ZNF565: variants seen among roughly 807,000 people sequenced by gnomAD.
The protein encoded by ZNF565 is zinc finger protein 565.
In ZNF565, 27 loss-of-function variants were observed where a neutral mutation model predicts 39.4. That is an observed-to-expected ratio of 0.69 (90% CI 0.51 to 0.95). The LOEUF (loss-of-function observed/expected upper bound fraction) is 0.95, where lower values mean the gene tolerates loss of function less well. Among genes scored for constraint, ZNF565 ranks in the 40% least tolerant of loss-of-function variants. The pLI, the probability that ZNF565 is intolerant of heterozygous loss-of-function variation, is 0.00. For synonymous variants in ZNF565, 185 were observed against 216.6 expected (o/e 0.85, Z 1.28); for missense variants, 524 against 621.1 (o/e 0.84, Z 1.66).
At chr19:36,202,155 G>A in intron 1 of ZNF565, 105 bp from the exon 2 acceptor site, 1 of 677,730 alleles carries the variant, frequency 1.5e-6, no homozygotes, top group Non-Finnish European at 2.6e-6. Context: ...CCAATGTCTC[G>A]GATCTGCTTC....
intron 4 of ZNF565, among the ~76,000 whole-genome samples, chr19:36,188,711 CAA>C (rs537452721): frequency 5.3e-5 from 4 of 76,034 alleles, no homozygotes; most frequent in Non-Finnish European, 8.5e-5. Flanking sequence ...GACTCCGTCT[CAA>C]AAAAAAAAAA....
intron 1 of ZNF565, chr19:36,237,013 A>C: frequency 6.2e-7 from 1 of 1,614,202 alleles, no homozygotes; most frequent in Non-Finnish European, 8.5e-7. Flanking sequence ...AATGTGGAAA[A>C]GCCTTCTCTC....
intron 1 of ZNF565, among the ~76,000 whole-genome samples, chr19:36,242,263 A>G (rs1977813416): frequency 6.6e-6 from 1 of 151,790 alleles, no homozygotes; most frequent in African/African-American, 2.4e-5. Context: ...CATAAAAATT[A>G]GCCAGATGTG....
intron 1 of ZNF565, among the ~76,000 whole-genome samples, chr19:36,204,356 A>G (rs969900544): frequency 6.6e-5 from 10 of 152,250 alleles, no homozygotes; most frequent in African/African-American, 2.2e-4. Flanking sequence ...TAGGCAGAAA[A>G]GGGACAGAGA....
rs542599049 is a variant in ZNF565, at chr19:36,245,595, A to T, written c.-65T>A. On this transcript the variant is annotated 5_prime_UTR_variant, in exon 1 of 5. Transcript: ENST00000355114. This position sits in a 1 kb window ranked among gnomAD's most constrained non-coding sequence, Gnocchi z 4.4. ...CACCGCGGATCTAGGAGGAGGCTTG[A>T]GATGCAGCCTCCCAGCTTCGAGGCT... 3.2e-4 allele frequency: 225 copies of T among 701,642 alleles called. 3 individuals are homozygous for T. Among genetic ancestry groups the T allele is most frequent in the South Asian group, 2.4e-3 (160 of 67,544 alleles). 43.5% of individuals were successfully genotyped at this position (701,642 alleles called of 1,614,324 possible).
intron 1 of ZNF565, among the ~76,000 whole-genome samples, chr19:36,221,662 C>A (rs1976844305): frequency 6.6e-6 from 1 of 152,126 alleles, no homozygotes; most frequent in Non-Finnish European, 1.5e-5. Flanking sequence ...CAACAAAGAT[C>A]TATCTCACAG....
intron 1 of ZNF565, chr19:36,228,417 C>CCTGTGTAAGTTGTGA (rs1234794536): frequency 1.3e-5 from 2 of 152,222 alleles, no homozygotes; most frequent in African/African-American, 4.8e-5. Context: ...AAACAGCAAT[C>CCTGTGTAAGTTGTGA]ACTCACACAA....
chr19:36,232,954 T>C (rs1330633710), intron 1 of ZNF565, among the ~76,000 whole-genome samples: 2 of 152,226 alleles, frequency 1.3e-5, no homozygotes, highest in Non-Finnish European at 2.9e-5. Flanking sequence ...AAGAATCTCT[T>C]ATGTACCCCC....
At chr19:36,190,823 C>G (rs1975506721) in intron 4 of ZNF565, among the ~76,000 whole-genome samples, 1 of 151,686 alleles carries the variant, frequency 6.6e-6, no homozygotes, top group Non-Finnish European at 1.5e-5. Flanking sequence ...GAAATCCTGT[C>G]TCTACTAAAA....
rs2029888460 is a variant in ZNF565 at position 36,245,329 on chromosome 19, G to A, written c.55+147C>T. On this transcript the variant is annotated intron_variant, in intron 1 of 4. Transcript: ENST00000355114. This position sits in a 1 kb window ranked among gnomAD's most constrained non-coding sequence, Gnocchi z 4.4. The stretch of plus-strand genomic sequence containing the variant: ...TGACCCCAGCTCAGTTCTAAGCCGA[G>A]GGGCTGCTGCCGGACATTCTAGGGT... 4 of 647,324 alleles carry A rather than the reference G, an allele frequency of 6.2e-6. No homozygotes were observed. The highest frequency in any genetic ancestry group is 1.1e-5 in the Non-Finnish European group (4 of 358,602). The allele number at this position is 647,324 out of a possible 1,614,324, so 40.1% of individuals were successfully genotyped here.
intron 1 of ZNF565, chr19:36,228,560 C>A (rs1568433156): frequency 6.6e-6 from 1 of 152,148 alleles, no homozygotes; most frequent in Non-Finnish European, 1.5e-5. Context: ...TGGCCCTAGT[C>A]CCTTTGCCCA....
intron 1 of ZNF565, chr19:36,235,670 G>A (rs1977620531): frequency 6.6e-6 from 1 of 152,234 alleles, no homozygotes; most frequent in Admixed American, 6.5e-5. Context: ...AGAAGCCTGA[G>A]AAGATGATGC....
intron 2 of ZNF565, 127 bp downstream of exon 2, chr19:36,201,849 AT>A (rs2145343486): frequency 9.3e-7 from 1 of 1,071,522 alleles, no homozygotes; most frequent in East Asian, 2.4e-5. Flanking sequence ...CTTGGGCACC[AT>A]TACTCATCTC....
At chr19:36,212,549 G>A (rs772219514) in intron 1 of ZNF565, among the ~76,000 whole-genome samples, 14 of 151,872 alleles carry the variant, frequency 9.2e-5, no homozygotes, top group Non-Finnish European at 1.9e-4. Flanking sequence ...TTGAGCCTGC[G>A]AGGTGGAGGT....
intron 1 of ZNF565, among the ~76,000 whole-genome samples, chr19:36,229,880 T>A (rs1305411045): frequency 2.0e-5 from 3 of 152,148 alleles, no homozygotes; most frequent in Non-Finnish European, 4.4e-5. Flanking sequence ...CCATCACACC[T>A]GGCTAATTTT....
intron 4 of ZNF565, among the ~76,000 whole-genome samples, chr19:36,192,209 G>A (rs564972182): frequency 6.6e-5 from 10 of 151,616 alleles, no homozygotes; most frequent in Admixed American, 1.3e-4. Context: ...GGCTGGTCTC[G>A]AACTGCTGAC....
intron 4 of ZNF565, among the ~76,000 whole-genome samples, chr19:36,186,928 T>C (rs1446796957): frequency 6.6e-6 from 1 of 152,148 alleles, no homozygotes; most frequent in Admixed American, 6.6e-5. Context: ...CGGTGACTCA[T>C]GCCTGCAACC....
At chr19:36,202,509 C>T (rs952592994) in intron 1 of ZNF565, among the ~76,000 whole-genome samples, 1 of 152,134 alleles carries the variant, frequency 6.6e-6, no homozygotes, top group Admixed American at 6.6e-5. Flanking sequence ...AGCACTGACA[C>T]AGAACCCAGG....
chr19:36,233,743 C>A (rs552529847), intron 1 of ZNF565, among the ~76,000 whole-genome samples: 2 of 152,346 alleles, frequency 1.3e-5, no homozygotes, highest in South Asian at 4.1e-4. Flanking sequence ...GCATGTCCCA[C>A]CTCCAGCCCT....
Sources: gnomAD v4.1 joint callset for allele counts (sites outside exome capture counted in the v4.1 genomes callset) on GRCh38, gnomAD v4.1.1 for gene constraint, Gnocchi (gnomAD v3.1) non-coding constraint, MANE v1.5 for transcripts, NCBI Gene and HGNC (gene_info 2026-07-23, HGNC 2026-07-21) for gene names.